NBPF9: variants seen among roughly 807,000 people sequenced by gnomAD.
The protein encoded by NBPF9 is NBPF member 9, also known as NBPF family member NBPF9.
NBPF9 carries 91 observed loss-of-function variants against 97.8 expected under a neutral mutation model. The observed-to-expected ratio is 0.93, with a 90% CI of 0.79 to 1.11. The LOEUF is 1.11. Among genes scored for constraint, NBPF9 ranks in the 50% least tolerant of loss-of-function variants. The pLI, the probability that NBPF9 is intolerant of heterozygous loss-of-function variation, is 0.00. For missense variants in NBPF9, 992 were observed against 939.5 expected (o/e 1.06, Z -0.73); for synonymous variants, 334 against 359.5 (o/e 0.93, Z 0.80).
rs1451539256 is a variant in NBPF9 at position 149,081,365 on chromosome 1, G to A, written c.175+600C>T. Among the ~76,000 whole-genome samples the A allele has an allele frequency of 2.6e-4, 40 of 151,878 alleles. No individual in the cohort carries two copies. The East Asian group carries it at 3.5e-3, about 13-fold the overall frequency. On this transcript the variant is annotated intron_variant, in intron 7 of 29. Transcript: ENST00000584027. Reference sequence around the variant, plus strand: ...AAACTGCTGACCTCGTGCTCTGCCCGCCTCAGCCTCCCAAAGTGCTGAGAT... The same window carrying A: ...AAACTGCTGACCTCGTGCTCTGCCCACCTCAGCCTCCCAAAGTGCTGAGAT...
At chr1:149,053,868 T>A (rs1180182706), downstream of NBPF9, among the ~76,000 whole-genome samples, 5 of 146,186 alleles carry the variant, frequency 3.4e-5, no homozygotes, top group Non-Finnish European at 5.9e-5. Flanking sequence ...CAACCCTTCC[T>A]AAATGCCAAA....
At chr1:149,099,133 T>C (rs1301475447) in intron 3 of NBPF9, among the ~76,000 whole-genome samples, 4 of 152,168 alleles carry the variant, frequency 2.6e-5, no homozygotes, top group African/African-American at 9.7e-5. Flanking sequence ...GAGGCAGATC[T>C]TAGTGAACAA....
chr1:149,057,722 C>A (rs199577036), intron 27 of NBPF9, among the ~76,000 whole-genome samples: 2 of 86,096 alleles, frequency 2.3e-5, no homozygotes, highest in African/African-American at 8.0e-5. Flanking sequence ...CACACACACA[C>A]ACACACACAC....
chr1:149,056,007 T>C (rs1279725131), intron 29 of NBPF9, 108 bp from the exon 30 acceptor site: 59 of 1,603,380 alleles, frequency 3.7e-5, no homozygotes, highest in Middle Eastern at 2.3e-4. Context: ...AGAAAAAGGA[T>C]AGATCCATTA....
chr1:149,055,812 A>G, exon 30 of NBPF9: 1 of 1,610,370 alleles, frequency 6.2e-7, no homozygotes. Flanking sequence ...CAGGTAGTTC[A>G]AAGTACATTG....
intron 21 of NBPF9, 132 bp downstream of exon 21, chr1:149,062,730 C>T (rs1481103607): frequency 1.3e-6 from 1 of 756,932 alleles, no homozygotes; most frequent in East Asian, 2.4e-5. Flanking sequence ...GCAATGAAAA[C>T]CAACAGCAAT....
At chr1:149,061,070 A>C in intron 23 of NBPF9, 1 of 423,152 alleles carries the variant, frequency 2.4e-6, no homozygotes, top group African/African-American at 2.5e-5. Context: ...TTTCCATAAA[A>C]TGTGCTCAAA....
intron 10 of NBPF9, 35 bp from the exon 11 acceptor site, chr1:149,077,454 T>C (rs1447439064): frequency 3.1e-6 from 5 of 1,602,444 alleles, no homozygotes; most frequent in Non-Finnish European, 4.3e-6. Flanking sequence ...TGACAGAAGA[T>C]TAAACACAGA....
rs1420256590 is a variant in NBPF9, at chr1:149,087,704, C to A, written c.-195+3049G>T. Among the ~76,000 whole-genome samples, 494 of 151,032 alleles carry A rather than the reference C, an allele frequency of 3.3e-3. 1 individual carries two copies. The highest frequency in any genetic ancestry group is 0.011 in the African/African-American group (471 of 41,264). On this transcript the variant is annotated intron_variant, in intron 5 of 29. Transcript: ENST00000584027. ...ATTTACGAAGAACTGACTTTTTAAA[C>A]ATAACAACTCTTCTGATCCATGACA...
At chr1:149,082,320 T>C in exon 6 of NBPF9, 1 of 1,547,080 alleles carries the variant, frequency 6.5e-7, no homozygotes, top group Non-Finnish European at 8.7e-7. Context: ...TTAGGATCCT[T>C]CACCACAAAA....
intron 17 of NBPF9, among the ~76,000 whole-genome samples, chr1:149,069,059 G>A (rs181336899): frequency 1.3e-5 from 2 of 152,278 alleles, no homozygotes; most frequent in African/African-American, 2.4e-5. Flanking sequence ...AAATAAAGAC[G>A]TTCTTTGAAA....
At chr1:149,064,762 T>C (rs1444334001) in intron 18 of NBPF9, 7 of 607,492 alleles carry the variant, frequency 1.2e-5, no homozygotes, top group African/African-American at 1.1e-4. Context: ...TTTTCCCCAA[T>C]AAATTGTAGG....
chr1:149,074,732 G>A (rs1311771054), intron 12 of NBPF9, among the ~76,000 whole-genome samples: 1 of 151,240 alleles, frequency 6.6e-6, no homozygotes, highest in South Asian at 2.1e-4. Context: ...TTAGCAACAA[G>A]ACTCTGTGCC....
intron 16 of NBPF9, among the ~76,000 whole-genome samples, chr1:149,070,659 C>T (rs587699846): frequency 9.7e-4 from 147 of 151,884 alleles, no homozygotes; most frequent in African/African-American, 3.5e-3. Flanking sequence ...GATACTGAAT[C>T]GAAGCTAGGA....
chr1:149,060,400 G>T lies in NBPF9; in HGVS notation c.2476+123C>A. 2 of 407,792 alleles carry T rather than the reference G, an allele frequency of 4.9e-6. 1 individual carries two copies. The highest frequency in any genetic ancestry group is 8.3e-5 in the Admixed American group (2 of 24,072). 25.3% of individuals were successfully genotyped at this position (407,792 alleles called of 1,614,324 possible). A position where few individuals can be genotyped will look rare whatever the true frequency, so the allele number is the denominator to read the frequency against. On this transcript the variant is annotated intron_variant, in intron 24 of 29. Transcript: ENST00000584027. ...CTAGAGTTTCATTCAACCTACATGT[G>T]CCTATAGGTCCTCCCTGTGGCAATG... is the stretch of plus-strand genomic sequence containing the variant.
At chr1:149,075,429 C>G (rs1293217412) in intron 12 of NBPF9, among the ~76,000 whole-genome samples, 3 of 152,318 alleles carry the variant, frequency 2.0e-5, no homozygotes, top group African/African-American at 7.2e-5. Flanking sequence ...CAATAAATGG[C>G]AGTTTAACTC....
rs1287518638 is a variant in NBPF9 at position 149,063,059 on chromosome 1, G to A, written c.2027-146C>T. 8.0e-5 allele frequency: 45 copies of A among 564,928 alleles called. No individual in the cohort carries two copies. The Admixed American group carries it at 1.4e-3, about 17-fold the overall frequency. The allele number at this position is 564,928 out of a possible 1,614,324, so 35.0% of individuals were successfully genotyped here. On this transcript the variant is annotated intron_variant, in intron 20 of 29. Coordinates refer to ENST00000584027, the Ensembl canonical transcript of NBPF9. ...AGAGATATTCTTCAGGAGGCCTGAA[G>A]GCTGATCACCATAGAGATTCCTTGG...
intron 3 of NBPF9, among the ~76,000 whole-genome samples, chr1:149,101,008 CTAGGT>C (rs2082111126): frequency 6.6e-6 from 1 of 151,266 alleles, no homozygotes. Context: ...GTTCATACTC[CTAGGT>C]TAGGCATTGA....
chr1:149,075,841 T>C (rs1553654180), exon 12 of NBPF9: 2 of 1,469,404 alleles, frequency 1.4e-6, no homozygotes, highest in South Asian at 1.1e-5. Context: ...CTGACGTTTG[T>C]GGCAGAAGAG....
Sources: allele counts gnomAD v4.1 joint callset (sites outside exome capture counted in the v4.1 genomes callset), GRCh38; gene constraint gnomAD v4.1.1; transcripts MANE v1.5; gene names NCBI Gene and HGNC (gene_info 2026-07-23, HGNC 2026-07-21).